The following SCYL1 variants were observed in gnomAD, a reference collection of about 807,000 sequenced individuals.
SCYL1 encodes the protein SCY1 like pseudokinase 1, also known as N-terminal kinase-like protein.
SCYL1 carries 85 observed loss-of-function variants against 94.8 expected under a neutral mutation model. The observed-to-expected ratio is 0.90, with a 90% CI of 0.75 to 1.07. The LOEUF is 1.07. Among genes scored for constraint, SCYL1 ranks in the 50% least tolerant of loss-of-function variants. The probability of loss-of-function intolerance (pLI) is 0.00; values close to 1 mark genes in which losing one functional copy is unlikely to be tolerated. For missense variants in SCYL1, 968 were observed against 1,083.3 expected (o/e 0.89, Z 1.49); for synonymous variants, 459 against 435.5 (o/e 1.05, Z -0.67).
chr11:65,531,913 C>T (rs1855388623), intron 8 of SCYL1, among the ~76,000 whole-genome samples: 1 of 152,238 alleles, frequency 6.6e-6, no homozygotes, highest in South Asian at 2.1e-4. Flanking sequence ...ATGCCCCCTC[C>T]TCTCCTGGCT....
chr11:65,525,340 G>A, intron 1 of SCYL1, 76 bp downstream of exon 1: 1 of 1,195,520 alleles, frequency 8.4e-7, no homozygotes, highest in South Asian at 1.7e-5. Context: ...CCGTCGCGTT[G>A]CGCCCGGCCT....
At chr11:65,532,662 C>T (rs982892592) in intron 8 of SCYL1, 30 bp from the exon 9 acceptor site, 2 of 1,548,814 alleles carry the variant, frequency 1.3e-6, no homozygotes, top group Non-Finnish European at 1.8e-6. Flanking sequence ...AAGGGCTGAC[C>T]ATGTTGACGC....
In SCYL1 at chr11:65,538,563, C is replaced by T; in HGVS notation, c.2424C>T (p.Asp808=). Residue 808 remains aspartate, a synonymous_variant, in exon 18 of 18, where the codon GAC becomes GAT. Coordinates refer to ENST00000270176, the MANE Select transcript of SCYL1 (RefSeq NM_020680.4). ...GPMKLGARKL[D] ...TGAAGCTGGGAGCCCGGAAGCTGGA[C>T]TGAACCGTGGCGGTGGCCCTTCCCG... The T allele has an allele frequency of 6.2e-7, 1 of 1,610,714 alleles. No homozygotes were observed. Among genetic ancestry groups the T allele is most frequent in the Non-Finnish European group, 8.5e-7 (1 of 1,178,994 alleles).
chr11:65,535,261 C>G lies in SCYL1; in HGVS notation c.1265C>G (p.Ala422Gly). 2 of 1,614,214 alleles carry G rather than the reference C, an allele frequency of 1.2e-6. No individual in the cohort carries two copies. Among genetic ancestry groups the G allele is most frequent in the South Asian group, 2.2e-5 (2 of 91,082 alleles). Residue 422 changes from alanine (A) to glycine (G), a missense_variant, in exon 10 of 18, where the codon GCC (alanine) becomes GGC (glycine). Around this residue, in one of 2 missense-constraint regions of SCYL1, gnomAD observed 494 missense variants for 619.7 expected, o/e 0.80. Transcript: ENST00000270176. ...MLLLAPKLNE[A>G]NLNVELMKHF... ...CTCCTGGCCCCAAAGCTGAACGAGGCCAACCTCAATGTGGAGCTGATGAAG... is the reference window on the plus strand; with the variant it reads ...CTCCTGGCCCCAAAGCTGAACGAGGGCAACCTCAATGTGGAGCTGATGAAG...
Position 65,536,251 on chromosome 11 carries a change from C to T in SCYL1, c.1576-8C>T. 6.2e-7 allele frequency: 1 copy of T among 1,613,458 alleles called. No homozygotes were observed. The highest frequency in any genetic ancestry group is 8.5e-7 in the Non-Finnish European group (1 of 1,179,434). On this transcript the variant is annotated splice_region_variant and splice_polypyrimidine_tract_variant and intron_variant, in intron 11 of 17. Coordinates refer to ENST00000270176, the MANE Select transcript of SCYL1 (RefSeq NM_020680.4). Reference sequence around the variant, plus strand: ...CAGAGACCCCAGCTCTGCCTCGTTACCCCACAGGCCTTCAAGGCCATTCGG... The same window carrying T: ...CAGAGACCCCAGCTCTGCCTCGTTATCCCACAGGCCTTCAAGGCCATTCGG...
In SCYL1 at chr11:65,526,965, C is replaced by T; in HGVS notation, c.697C>T (p.Pro233Ser). The change falls in exon 6 of 18, where the codon CCC (proline) becomes TCC (serine). Residue 233 changes from proline to serine, a missense_variant. Physicochemically the swap from Pro to Ser is moderately conservative, Grantham distance 74. Around this residue, in one of 2 missense-constraint regions of SCYL1, gnomAD observed 494 missense variants for 619.7 expected, o/e 0.80. Coordinates refer to ENST00000270176, the MANE Select transcript of SCYL1 (RefSeq NM_020680.4). This position sits in a 1 kb window ranked among gnomAD's most constrained non-coding sequence, Gnocchi z 4.1. ...AAALRNPGKI[P>S]KTLVPHYCEL... ...GACACTGACCCCTCCCCTACAGATC[C>T]CCAAAACGCTGGTGCCCCATTACTG... 6.2e-7 allele frequency: 1 copy of T among 1,610,840 alleles called. No individual in the cohort carries two copies. Among genetic ancestry groups the T allele is most frequent in the African/African-American group, 1.3e-5 (1 of 74,980 alleles).
In SCYL1 at chr11:65,538,147, C is replaced by G; in HGVS notation, c.2212C>G (p.Pro738Ala). ...CCCAGAGTCCAGCGACAAGGGCGAC[C>G]CCTTCGCTACCCTGTCTGCACGTCC... ...GGPESSDKGD[P>A]FATLSARPST... Residue 738 changes from proline to alanine, a missense_variant, in exon 16 of 18, where the codon CCC becomes GCC. Physicochemically the swap from Pro to Ala is conservative, Grantham distance 27. Coordinates refer to ENST00000270176, the MANE Select transcript of SCYL1 (RefSeq NM_020680.4). 4.4e-6 allele frequency: 7 copies of G among 1,596,350 alleles called. No homozygotes were observed. Among genetic ancestry groups the G allele is most frequent in the Non-Finnish European group, 6.0e-6 (7 of 1,171,778 alleles).
rs201581270 is a variant in SCYL1, at chr11:65,535,383, G to T, written c.1386+1G>T. The T allele has an allele frequency of 6.2e-7, 1 of 1,613,700 alleles. No individual in the cohort carries two copies. The highest frequency in any genetic ancestry group is 8.5e-7 in the Non-Finnish European group (1 of 1,179,622). Reference sequence around the variant, plus strand: ...AATCGGCTCCTACCTCAGTGCTAGCGTGAGTGTCCTGCACAACTGCTGGAG... The same window carrying T: ...AATCGGCTCCTACCTCAGTGCTAGCTTGAGTGTCCTGCACAACTGCTGGAG... On this transcript the variant is annotated splice_donor_variant, in intron 10 of 17. Coordinates refer to ENST00000270176, the MANE Select transcript of SCYL1 (RefSeq NM_020680.4). LOFTEE classifies it high-confidence loss of function.
Position 65,526,379 on chromosome 11 carries a change from C to A in SCYL1, c.602+29C>A. 6.5e-7 allele frequency: 1 copy of A among 1,540,998 alleles called. No homozygotes were observed. The highest frequency in any genetic ancestry group is 8.8e-7 in the Non-Finnish European group (1 of 1,133,450). On this transcript the variant is annotated intron_variant, in intron 4 of 17. Coordinates refer to ENST00000270176, the MANE Select transcript of SCYL1 (RefSeq NM_020680.4). This position sits in a 1 kb window ranked among gnomAD's most constrained non-coding sequence, Gnocchi z 4.1. Reference sequence around the variant, plus strand: ...GGTGACTGGGGGCAGCGCGCCCCAACCTGCCCTGTCCTGGAGGCCCCTGCA... The same window carrying A: ...GGTGACTGGGGGCAGCGCGCCCCAAACTGCCCTGTCCTGGAGGCCCCTGCA...
rs1166626079 is a variant in SCYL1 at position 65,526,375 on chromosome 11, C to A, written c.602+25C>A. 5 of 1,555,992 alleles carry A rather than the reference C, an allele frequency of 3.2e-6. No individual in the cohort carries two copies. ...GGTGGGTGACTGGGGGCAGCGCGCC[C>A]CAACCTGCCCTGTCCTGGAGGCCCC... On this transcript the variant is annotated intron_variant, in intron 4 of 17. Coordinates refer to ENST00000270176, the MANE Select transcript of SCYL1 (RefSeq NM_020680.4). This position sits in a 1 kb window ranked among gnomAD's most constrained non-coding sequence, Gnocchi z 4.1.
rs1622368 is a variant in SCYL1 at position 65,526,752 on chromosome 11, G to A, written c.603-31G>A. The A allele has an allele frequency of 6.3e-3, 9,994 of 1,596,664 alleles. 430 individuals are homozygous for A. The African/African-American group carries it at 0.1, about 17-fold the overall frequency. ...TGGAGGCCTGTGCAGGTGGTTGGTGGGGCCCTAAGAGCTCTGGGTCACTGC... is the reference window on the plus strand; with the variant it reads ...TGGAGGCCTGTGCAGGTGGTTGGTGAGGCCCTAAGAGCTCTGGGTCACTGC... On this transcript the variant is annotated intron_variant, in intron 4 of 17. Coordinates refer to ENST00000270176, the MANE Select transcript of SCYL1 (RefSeq NM_020680.4). This position sits in a 1 kb window ranked among gnomAD's most constrained non-coding sequence, Gnocchi z 4.1.
At chr11:65,537,446 C>T (rs1183746902) in intron 14 of SCYL1, among the ~76,000 whole-genome samples, 1 of 152,170 alleles carries the variant, frequency 6.6e-6, no homozygotes, top group African/African-American at 2.4e-5. Context: ...AGAGGCCACT[C>T]CTGGGTCTAG....
rs527471869 is a variant in SCYL1 at position 65,527,205 on chromosome 11, C to T, written c.849+88C>T. ...TTCAGGGTACCTCACAATTGACCCT[C>T]AGGAGACAAGCATGGACTGTGGAGT... is the stretch of plus-strand genomic sequence containing the variant. On this transcript the variant is annotated intron_variant, in intron 6 of 17. Transcript: ENST00000270176. 78 of 1,464,526 alleles carry T rather than the reference C, an allele frequency of 5.3e-5. No individual in the cohort carries two copies. The African/African-American group carries it at 8.4e-4, about 16-fold the overall frequency. 90.7% of individuals were successfully genotyped at this position (1,464,526 alleles called of 1,614,324 possible).
rs771481228 is a variant in SCYL1, at chr11:65,526,166, A to G, written c.418A>G (p.Asn140Asp). Reference protein sequence around the residue: ...FLVNDCSLIHNNVCMAAVFVD... With the variant: ...FLVNDCSLIHDNVCMAAVFVD... ...GGTCAACGACTGCAGCCTCATCCACAACAATGTCTGCATGGCCGCCGTGTT... is the reference window on the plus strand; with the variant it reads ...GGTCAACGACTGCAGCCTCATCCACGACAATGTCTGCATGGCCGCCGTGTT... The change falls in exon 4 of 18, where the codon AAC (asparagine) becomes GAC (aspartate). Residue 140 changes from asparagine (N) to aspartate (D), a missense_variant. By Grantham distance (23) the Asn-to-Asp change is conservative. Transcript: ENST00000270176. The surrounding 1 kb of genome is among the most constrained non-coding windows in gnomAD (Gnocchi z 4.1). 1.5e-5 allele frequency: 24 copies of G among 1,613,264 alleles called. No homozygotes were observed. The highest frequency in any genetic ancestry group is 1.0e-4 in the Admixed American group (6 of 60,006).
chr11:65,527,486 C>A (rs934657794), intron 6 of SCYL1, among the ~76,000 whole-genome samples: 1 of 152,068 alleles, frequency 6.6e-6, no homozygotes, highest in African/African-American at 2.4e-5. Context: ...TGCCTGTAAT[C>A]CCAGCACTTT....
intron 9 of SCYL1, among the ~76,000 whole-genome samples, chr11:65,534,233 AAAAAT>A (rs1027585241): frequency 1.3e-5 from 2 of 151,728 alleles, no homozygotes; most frequent in Admixed American, 6.6e-5. Flanking sequence ...TCCGTCTCAA[AAAAAT>A]AAAATAAAAT....
In SCYL1 at chr11:65,526,148, G is replaced by C. The variant is rs771867385; in HGVS notation, c.400G>C (p.Asp134His). ...GAAAGCCCTCAGCTTCCTGGTCAAC[G>C]ACTGCAGCCTCATCCACAACAATGT... The part of the protein sequence containing the change: ...IVKALSFLVN[D>H]CSLIHNNVCM... The change falls in exon 4 of 18, where the codon GAC becomes CAC. Residue 134 changes from aspartate (D) to histidine (H), a missense_variant. Around this residue, in one of 2 missense-constraint regions of SCYL1, gnomAD observed 494 missense variants for 619.7 expected, o/e 0.80. Coordinates refer to ENST00000270176, the MANE Select transcript of SCYL1 (RefSeq NM_020680.4). This position sits in a 1 kb window ranked among gnomAD's most constrained non-coding sequence, Gnocchi z 4.1. The C allele has an allele frequency of 1.2e-5, 20 of 1,613,124 alleles. No homozygotes were observed. The highest frequency in any genetic ancestry group is 1.6e-5 in the Non-Finnish European group (19 of 1,179,954).
At chr11:65,537,640 G>C (rs1431581306) in intron 14 of SCYL1, among the ~76,000 whole-genome samples, 169 bp from the exon 15 acceptor site, 1 of 152,156 alleles carries the variant, frequency 6.6e-6, no homozygotes, top group African/African-American at 2.4e-5. Flanking sequence ...AGAGGGGTGA[G>C]GGCAGGCCAG....
At position 65,526,865 on chromosome 11, in the gene SCYL1, C is replaced by A. The variant is rs576008769; in HGVS notation, c.685C>A (p.Pro229Thr). Residue 229 changes from proline (P) to threonine (T), a missense_variant, in exon 5 of 18, where the codon CCT (proline) becomes ACT (threonine). Coordinates refer to ENST00000270176, the MANE Select transcript of SCYL1 (RefSeq NM_020680.4). The surrounding 1 kb of genome is among the most constrained non-coding windows in gnomAD (Gnocchi z 4.1). ...ACCTCGGGCAGCAGCCCTACGCAAC[C>A]CTGGGAAGGTAAGTTTCTTGCCCCT... ...PLPRAAALRN[P>T]GKIPKTLVPH... 3.4e-5 allele frequency: 55 copies of A among 1,613,406 alleles called. No homozygotes were observed. The African/African-American group carries it at 4.1e-4, about 12-fold the overall frequency.
Sources: gnomAD v4.1 joint callset for allele counts (sites outside exome capture counted in the v4.1 genomes callset) on GRCh38, gnomAD v4.1.1 for gene constraint, gnomAD v4.1.1 regional missense constraint, Gnocchi (gnomAD v3.1) non-coding constraint, MANE v1.5 for transcripts, NCBI Gene and HGNC (gene_info 2026-07-23, HGNC 2026-07-21) for gene names.